ATP2C2: variants seen among roughly 807,000 people sequenced by gnomAD.
The protein encoded by ATP2C2 is ATPase secretory pathway Ca2+ transporting 2, also known as calcium-transporting ATPase type 2C member 2.
Under a neutral mutation model 110.8 loss-of-function variants are expected in ATP2C2, and 171 were observed. The ratio of observed to expected loss-of-function variants is 1.54; its 90% CI spans 1.36 to 1.75. The LOEUF (loss-of-function observed/expected upper bound fraction) is 1.75. ATP2C2 is among the 40% of genes most tolerant of loss of function. The probability of loss-of-function intolerance (pLI) is 0.00; values close to 1 mark genes in which losing one functional copy is unlikely to be tolerated. For missense variants in ATP2C2, 1,963 were observed against 1,235.0 expected (o/e 1.59, Z -8.84); for synonymous variants, 804 against 508.4 (o/e 1.58, Z -7.82).
chr16:84,403,025 C>T (rs557751874), intron 2 of ATP2C2, among the ~76,000 whole-genome samples: 1 of 152,196 alleles, frequency 6.6e-6, no homozygotes, highest in South Asian at 2.1e-4. Flanking sequence ...TTCTGTGTGT[C>T]TAGGAATTTA....
chr16:84,372,480 C>G (rs1397719789), intron 1 of ATP2C2, among the ~76,000 whole-genome samples: 1 of 152,136 alleles, frequency 6.6e-6, no homozygotes, highest in African/African-American at 2.4e-5. Flanking sequence ...GTCACCCAGG[C>G]TGGAGTGCAA....
At position 84,405,330 on chromosome 16, in the gene ATP2C2, A is replaced by C. The variant is rs954347409; in HGVS notation, c.327+86A>C. ...CATTCCATCTTTCAATGTTGATGGA[A>C]GGCATCCTTGGACAGCTCCCGCCCC... is the stretch of plus-strand genomic sequence containing the variant. On this transcript the variant is annotated intron_variant, in intron 3 of 26. Transcript: ENST00000262429. The C allele has an allele frequency of 3.3e-6, 4 of 1,201,418 alleles. No individual in the cohort carries two copies. In the African/African-American group the frequency reaches 6.0e-5, roughly 18 times the overall value. The allele number at this position is 1,201,418 out of a possible 1,614,324, so 74.4% of individuals were successfully genotyped here.
intron 11 of ATP2C2, among the ~76,000 whole-genome samples, chr16:84,433,839 ATT>A (rs1242673991): frequency 1.3e-5 from 2 of 151,962 alleles, no homozygotes; most frequent in East Asian, 1.9e-4. Context: ...AAATACCCCA[ATT>A]CTCTCCCCAC....
At chr16:84,380,775 C>CG (rs1333764276) in intron 1 of ATP2C2, among the ~76,000 whole-genome samples, 2 of 152,100 alleles carry the variant, frequency 1.3e-5, no homozygotes, top group African/African-American at 4.8e-5. Context: ...GTACATACAT[C>CG]GGGGGGTCTG....
chr16:84,431,447 C>T (rs1363048047), intron 11 of ATP2C2, among the ~76,000 whole-genome samples: 1 of 151,908 alleles, frequency 6.6e-6, no homozygotes, highest in African/African-American at 2.4e-5. Context: ...AGTGAGCCGA[C>T]ATCTCACCAC....
At chr16:84,382,669 G>A (rs1003848546) in intron 1 of ATP2C2, among the ~76,000 whole-genome samples, 1 of 152,174 alleles carries the variant, frequency 6.6e-6, no homozygotes, top group African/African-American at 2.4e-5. Context: ...TAAGGCGAGA[G>A]GATCACTTGA....
rs199936161 is a variant in ATP2C2 at position 84,439,269 on chromosome 16, T to C, written c.1090T>C (p.Leu364=). 3.4e-4 allele frequency: 547 copies of C among 1,612,728 alleles called. No homozygotes were observed. The highest frequency in any genetic ancestry group is 3.8e-4 in the Non-Finnish European group (445 of 1,180,014). Residue 364 remains leucine, a synonymous_variant, in exon 12 of 27, where the codon TTA becomes CTA. Transcript: ENST00000262429. ...CAAGAAGCGGGTCATCGTGAAGAAG[T>C]TACCCATCGTGGAGACTTTAGGTGA... is the stretch of plus-strand genomic sequence containing the variant. ...MAKKRVIVKK[L]PIVETLGCCS... is the part of the protein sequence containing the mutation.
chr16:84,380,591 T>C (rs1309579053), intron 1 of ATP2C2, among the ~76,000 whole-genome samples: 1 of 152,152 alleles, frequency 6.6e-6, no homozygotes, highest in Admixed American at 6.6e-5. Flanking sequence ...TTGGCCCCTT[T>C]TCTGCGCAAG....
chr16:84,408,857 AT>A (rs145064196), intron 4 of ATP2C2, among the ~76,000 whole-genome samples: 188 of 150,158 alleles, frequency 1.3e-3, no homozygotes, highest in African/African-American at 3.9e-3. Context: ...CTGAGCACTC[AT>A]TTTTTTTTTA....
chr16:84,375,485 G>A (rs1054881610), intron 1 of ATP2C2, among the ~76,000 whole-genome samples: 1 of 150,296 alleles, frequency 6.7e-6, no homozygotes. Context: ...ATGTTGCAGT[G>A]AGCCAAGATC....
intron 17 of ATP2C2, 102 bp downstream of exon 17, chr16:84,448,791 A>G: frequency 6.8e-7 from 1 of 1,470,848 alleles, no homozygotes; most frequent in South Asian, 1.4e-5. Context: ...CACCCGTCCC[A>G]AGGAGTCAGG....
chr16:84,399,592 A>G (rs1427080813), intron 2 of ATP2C2, among the ~76,000 whole-genome samples: 1 of 152,210 alleles, frequency 6.6e-6, no homozygotes, highest in Non-Finnish European at 1.5e-5. Context: ...GGAGTTGGGC[A>G]CAATATAATT....
intron 16 of ATP2C2, among the ~76,000 whole-genome samples, chr16:84,447,967 G>A (rs979844249): frequency 2.4e-4 from 36 of 151,822 alleles, no homozygotes; most frequent in African/African-American, 7.5e-4. Context: ...AGGTATGTCC[G>A]GTATTGAGGC....
chr16:84,399,407 A>T (rs1458041940), intron 2 of ATP2C2, among the ~76,000 whole-genome samples: 1 of 152,228 alleles, frequency 6.6e-6, no homozygotes, highest in Non-Finnish European at 1.5e-5. Context: ...AAAAGAATCT[A>T]GAAATCAATT....
In ATP2C2 at chr16:84,408,436, G is replaced by C. The variant is rs756611089; in HGVS notation, c.359G>C (p.Gly120Ala). 6.2e-7 allele frequency: 1 copy of C among 1,613,810 alleles called. No homozygotes were observed. The highest frequency in any genetic ancestry group is 8.5e-7 in the Non-Finnish European group (1 of 1,180,004). The change falls in exon 4 of 27, where the codon GGC (glycine) becomes GCC (alanine). Residue 120 changes from glycine (G) to alanine (A), a missense_variant. By Grantham distance (60) the Gly-to-Ala change is moderately conservative. Transcript: ENST00000262429. ...FKNPLILLLL[G>A]SALVSVLTKE... ...AACCCCCTGATCCTGCTGCTGCTGG[G>C]CTCTGCCCTGGTGAGTGTCCTCACC...
At chr16:84,420,891 C>T (rs1311753386) in intron 7 of ATP2C2, among the ~76,000 whole-genome samples, 1 of 152,084 alleles carries the variant, frequency 6.6e-6, no homozygotes, top group Non-Finnish European at 1.5e-5. Context: ...CTGCAACCTC[C>T]GCCTCCTGGG....
intron 1 of ATP2C2, among the ~76,000 whole-genome samples, chr16:84,370,808 C>T (rs1909910904): frequency 6.6e-6 from 1 of 152,078 alleles, no homozygotes; most frequent in Non-Finnish European, 1.5e-5. Flanking sequence ...TAAGCCCTCC[C>T]CTCCCCCAGC....
At chr16:84,454,049 C>T (rs1910565889) in intron 20 of ATP2C2, among the ~76,000 whole-genome samples, 1 of 152,182 alleles carries the variant, frequency 6.6e-6, no homozygotes, top group Admixed American at 6.5e-5. Flanking sequence ...CCATGTTGGC[C>T]AGGCTGGTCT....
chr16:84,444,131 C>T (rs140095492), intron 15 of ATP2C2, among the ~76,000 whole-genome samples: 2 of 140,098 alleles, frequency 1.4e-5, no homozygotes, highest in Non-Finnish European at 3.0e-5. Context: ...CACACCACTG[C>T]ACTCCAGTCT....
Sources: gnomAD v4.1 joint callset for allele counts (sites outside exome capture counted in the v4.1 genomes callset) on GRCh38, gnomAD v4.1.1 for gene constraint, MANE v1.5 for transcripts, NCBI Gene and HGNC (gene_info 2026-07-23, HGNC 2026-07-21) for gene names.